FGF12: variants seen among roughly 807,000 people sequenced by gnomAD.
FGF12 encodes fibroblast growth factor 12B.
In FGF12, 14 loss-of-function variants were observed where a neutral mutation model predicts 23.6. That is an observed-to-expected ratio of 0.59 (90% CI 0.39 to 0.93). FGF12 has a LOEUF of 0.93. Ranked by LOEUF, FGF12 falls within the 40% of genes least tolerant of loss-of-function variation. FGF12 has a pLI of 0.00. For synonymous variants in FGF12, 62 were observed against 77.3 expected (o/e 0.80, Z 1.04); for missense variants, 175 against 217.8 (o/e 0.80, Z 1.24).
intron 2 of FGF12, among the ~76,000 whole-genome samples, chr3:192,641,938 A>T (rs1715822344): frequency 6.6e-6 from 1 of 152,172 alleles, no homozygotes. Flanking sequence ...CACAGAAAAC[A>T]TTTGCTCACC....
At chr3:192,704,134 T>C (rs962971087) in intron 2 of FGF12, among the ~76,000 whole-genome samples, 1 of 152,244 alleles carries the variant, frequency 6.6e-6, no homozygotes, top group African/African-American at 2.4e-5. Flanking sequence ...TTCCAGAAGA[T>C]GTTCAATTTA....
intron 2 of FGF12, among the ~76,000 whole-genome samples, chr3:192,458,778 C>T (rs1190651178): frequency 2.6e-5 from 4 of 152,082 alleles, no homozygotes; most frequent in African/African-American, 4.8e-5. Flanking sequence ...AATTTGAGGA[C>T]ATGAGATTTG....
intron 2 of FGF12, among the ~76,000 whole-genome samples, chr3:192,369,638 C>T (rs1719135066): frequency 6.6e-6 from 1 of 152,186 alleles, no homozygotes; most frequent in African/African-American, 2.4e-5. Context: ...TTCCTCATAG[C>T]ATTAGCCCCC....
chr3:192,516,567 A>G (rs1724675560), intron 2 of FGF12: 2 of 152,216 alleles, frequency 1.3e-5, no homozygotes, highest in African/African-American at 4.8e-5. Context: ...TTTTTCTCTC[A>G]GAGGTGATGG....
At chr3:192,707,637 T>C (rs1718514109) in intron 2 of FGF12, among the ~76,000 whole-genome samples, 1 of 149,018 alleles carries the variant, frequency 6.7e-6, no homozygotes, top group South Asian at 2.2e-4. Context: ...TCCCAGCTAC[T>C]CTGGAGGCTG....
chr3:192,271,600 A>G (rs1311677095), intron 4 of FGF12, among the ~76,000 whole-genome samples: 3 of 152,084 alleles, frequency 2.0e-5, no homozygotes, highest in Non-Finnish European at 4.4e-5. Flanking sequence ...CCTTCTTTCT[A>G]CTAATGGTAT....
At chr3:192,528,818 AG>A in intron 2 of FGF12, among the ~76,000 whole-genome samples, 1 of 152,296 alleles carries the variant, frequency 6.6e-6, no homozygotes, top group Middle Eastern at 3.4e-3. Context: ...AGTCATGGCC[AG>A]AGCTGTACAT....
intron 2 of FGF12, among the ~76,000 whole-genome samples, chr3:192,549,617 G>T (rs1021371601): frequency 6.6e-6 from 1 of 152,084 alleles, no homozygotes; most frequent in Non-Finnish European, 1.5e-5. Flanking sequence ...TGACTATAGG[G>T]TGTTTCTAGA....
chr3:192,477,469 G>A (rs537876670), intron 2 of FGF12, among the ~76,000 whole-genome samples: 1 of 152,202 alleles, frequency 6.6e-6, no homozygotes, highest in African/African-American at 2.4e-5. Flanking sequence ...TTAGTTACCT[G>A]TATTAAGATA....
At chr3:192,348,997 T>C (rs1718086786) in intron 3 of FGF12, among the ~76,000 whole-genome samples, 1 of 152,184 alleles carries the variant, frequency 6.6e-6, no homozygotes, top group African/African-American at 2.4e-5. Flanking sequence ...GCTTGACACG[T>C]AGGTGACCAT....
chr3:192,530,305 A>G (rs968166320), intron 2 of FGF12, among the ~76,000 whole-genome samples: 2 of 152,200 alleles, frequency 1.3e-5, no homozygotes, highest in Admixed American at 1.3e-4. Flanking sequence ...TGTGTACAAT[A>G]GAGTGAGTAT....
At chr3:192,441,691 G>C (rs1176730188) in intron 2 of FGF12, among the ~76,000 whole-genome samples, 2 of 152,208 alleles carry the variant, frequency 1.3e-5, no homozygotes, top group Non-Finnish European at 2.9e-5. Flanking sequence ...TCTTGTCCAA[G>C]AGATAGCAAG....
intron 5 of FGF12, among the ~76,000 whole-genome samples, chr3:192,154,345 C>G (rs866667178): frequency 8.2e-6 from 1 of 121,992 alleles, no homozygotes; most frequent in African/African-American, 3.0e-5. Context: ...AGCTTTGTTC[C>G]GTTGCTGGTG....
intron 4 of FGF12, among the ~76,000 whole-genome samples, chr3:192,246,479 C>A (rs1207730743): frequency 2.0e-5 from 3 of 152,046 alleles, no homozygotes; most frequent in African/African-American, 2.4e-5. Flanking sequence ...AGTATGCAGG[C>A]TTTTCCAGGT....
intron 2 of FGF12, among the ~76,000 whole-genome samples, chr3:192,474,897 A>AAAAAG (rs60312309): frequency 0.012 from 1,851 of 149,166 alleles, 50 homozygotes; most frequent in African/African-American, 0.045. Flanking sequence ...AAAAAAAAAA[A>AAAAAG]AAAGAAAGAA....
chr3:192,492,972 T>G (rs1377866472), intron 2 of FGF12, among the ~76,000 whole-genome samples: 1 of 150,968 alleles, frequency 6.6e-6, no homozygotes, highest in South Asian at 2.1e-4. Context: ...TTTTTTTTTT[T>G]TTTTTTTAGA....
chr3:192,438,507 C>T (rs1285659369), intron 2 of FGF12, among the ~76,000 whole-genome samples: 1 of 152,164 alleles, frequency 6.6e-6, no homozygotes, highest in Admixed American at 6.5e-5. Context: ...CTTATCCAGT[C>T]CAGAGGCAGA....
chr3:192,167,603 G>A (rs1715240782), intron 5 of FGF12, among the ~76,000 whole-genome samples: 1 of 150,688 alleles, frequency 6.6e-6, no homozygotes, highest in Admixed American at 6.6e-5. Context: ...TGTGTTGTGT[G>A]AAGACAACCT....
intron 2 of FGF12, among the ~76,000 whole-genome samples, chr3:192,522,201 A>G (rs1267821659): frequency 6.6e-6 from 1 of 151,644 alleles, no homozygotes. Flanking sequence ...CCGTCTCAAA[A>G]AAAAAAAAAA....
Sources: allele counts gnomAD v4.1 joint callset (sites outside exome capture counted in the v4.1 genomes callset), GRCh38; gene constraint gnomAD v4.1.1; transcripts MANE v1.5; gene names NCBI Gene and HGNC (gene_info 2026-07-23, HGNC 2026-07-21).